Variants in WDPCP observed in about 807,000 individuals in gnomAD.
WDPCP encodes WD repeat-containing and planar cell polarity effector protein fritz homolog.
WDPCP carries 71 observed loss-of-function variants against 93.1 expected under a neutral mutation model. That is an observed-to-expected ratio of 0.76 (90% CI 0.63 to 0.93). WDPCP has a LOEUF of 0.93. Ranked by LOEUF, WDPCP falls within the 40% of genes least tolerant of loss-of-function variation. WDPCP has a pLI of 0.00. For synonymous variants in WDPCP, 315 were observed against 315.0 expected (o/e 1.00, Z 0.00); for missense variants, 844 against 887.4 (o/e 0.95, Z 0.62).
chr2:63,126,797 TC>T (rs1669940088), intron 17 of WDPCP, among the ~76,000 whole-genome samples: 1 of 149,320 alleles, frequency 6.7e-6, no homozygotes, highest in South Asian at 2.2e-4. Flanking sequence ...TGCCTCAGCC[TC>T]CCAAGTAGCT....
chr2:63,406,388 T>C (rs1315513754), intron 9 of WDPCP, among the ~76,000 whole-genome samples: 2 of 152,156 alleles, frequency 1.3e-5, no homozygotes, highest in Non-Finnish European at 2.9e-5. Context: ...CAATAAATAT[T>C]TGAATATGAG....
At chr2:63,604,029 A>T (rs887768020) in intron 3 of WDPCP, among the ~76,000 whole-genome samples, 2 of 152,210 alleles carry the variant, frequency 1.3e-5, no homozygotes, top group African/African-American at 4.8e-5. Flanking sequence ...AGGACCCTAA[A>T]GTGCTTTCTG....
chr2:63,551,243 C>A (rs937415316), intron 1 of WDPCP, among the ~76,000 whole-genome samples: 6 of 151,954 alleles, frequency 3.9e-5, no homozygotes, highest in South Asian at 2.1e-4. Context: ...AAAAAAAAAT[C>A]CACTAGTAAA....
chr2:63,294,036 CAAAT>C lies in WDPCP; in HGVS notation c.1812+19208_1812+19211del, dbSNP rs200802625. On this transcript the variant is annotated intron_variant, in intron 13 of 17. Transcript: ENST00000272321. ...CAATGAACTCCAAGTAAGATGAACTCAAATAAACCCACTGTGAGACACATTATAA... is the reference window on the plus strand; with the variant it reads ...CAATGAACTCCAAGTAAGATGAACTCAAACCCACTGTGAGACACATTATAA... Among the ~76,000 whole-genome samples, 305 of 152,238 alleles carry C rather than the reference CAAAT, an allele frequency of 2.0e-3. 11 individuals are homozygous for C. The East Asian group carries it at 0.053, about 27-fold the overall frequency.
upstream of WDPCP, among the ~76,000 whole-genome samples, chr2:63,829,394 T>C (rs903379415): frequency 6.6e-5 from 10 of 152,104 alleles, no homozygotes; most frequent in African/African-American, 2.4e-4. Flanking sequence ...CTCCATAATT[T>C]AAAATAATAC....
In WDPCP at chr2:63,120,387, G is replaced by T. The variant is rs1250951881; in HGVS notation, c.*1619C>A. On this transcript the variant is annotated 3_prime_UTR_variant, in exon 18 of 18. Coordinates refer to ENST00000272321, the MANE Select transcript of WDPCP (RefSeq NM_015910.7). ...TGTCATACCCTCTGGTAGAGGTACA[G>T]ATAAATGGGAAGTAGAAAGAAAAAT... 6.6e-6 allele frequency among the ~76,000 whole-genome samples: 1 copy of T among 151,976 alleles called. No individual in the cohort carries two copies. The highest frequency in any genetic ancestry group is 2.1e-4 in the South Asian group (1 of 4,824).
At chr2:63,296,887 A>G (rs1684907091) in intron 13 of WDPCP, among the ~76,000 whole-genome samples, 1 of 152,236 alleles carries the variant, frequency 6.6e-6, no homozygotes, top group Admixed American at 6.5e-5. Flanking sequence ...CTACAGATTC[A>G]ATGCAATTCC....
chr2:63,249,256 T>C (rs1465669509), intron 14 of WDPCP, among the ~76,000 whole-genome samples: 3 of 152,176 alleles, frequency 2.0e-5, no homozygotes, highest in Non-Finnish European at 4.4e-5. Context: ...AGGTCTTTTC[T>C]GAAATGTGTG....
intron 3 of WDPCP, chr2:63,594,285 CTT>C (rs766971420): frequency 1.5e-6 from 1 of 675,006 alleles, no homozygotes; most frequent in Middle Eastern, 2.5e-4. Context: ...CAGGATAACA[CTT>C]TTAGCTCCCT....
At chr2:63,391,225 G>A (rs1050403742) in intron 10 of WDPCP, among the ~76,000 whole-genome samples, 29 of 152,206 alleles carry the variant, frequency 1.9e-4, no homozygotes, top group African/African-American at 6.5e-4. Context: ...TGGGATGCAA[G>A]GCTGATTAAA....
chr2:63,717,324 G>A, intron 2 of WDPCP: 1 of 515,682 alleles, frequency 1.9e-6, no homozygotes, highest in South Asian at 1.5e-5. Context: ...CTGTGAACAT[G>A]AAAAATGATG....
At chr2:63,521,377 T>C (rs1189199055) in intron 1 of WDPCP, among the ~76,000 whole-genome samples, 2 of 151,918 alleles carry the variant, frequency 1.3e-5, no homozygotes, top group Non-Finnish European at 2.9e-5. Flanking sequence ...ACCAAACAAA[T>C]GGAAAACAGA....
At chr2:63,313,185 C>A in intron 13 of WDPCP, 63 bp downstream of exon 13, 5 of 1,490,788 alleles carry the variant, frequency 3.4e-6, no homozygotes, top group South Asian at 1.2e-5. Context: ...TTTTTATGGT[C>A]ACAAAAGCTG....
At chr2:63,419,746 T>C (rs1194264728) in intron 9 of WDPCP, among the ~76,000 whole-genome samples, 1 of 152,188 alleles carries the variant, frequency 6.6e-6, no homozygotes, top group Non-Finnish European at 1.5e-5. Context: ...AGGTATGGAA[T>C]ATATCTATTA....
At chr2:63,798,761 C>G (rs1286087057) in intron 2 of WDPCP, among the ~76,000 whole-genome samples, 2 of 152,020 alleles carry the variant, frequency 1.3e-5, no homozygotes. Context: ...ACTAAACTCT[C>G]CAATCAAAAG....
chr2:63,462,392 T>A (rs1699076462), intron 6 of WDPCP, among the ~76,000 whole-genome samples: 1 of 152,128 alleles, frequency 6.6e-6, no homozygotes, highest in Admixed American at 6.5e-5. Context: ...GAGATATACC[T>A]AATGTAAATG....
chr2:63,721,751 C>G (rs1457558904), intron 2 of WDPCP, among the ~76,000 whole-genome samples: 1 of 134,836 alleles, frequency 7.4e-6, no homozygotes, highest in East Asian at 2.5e-4. Flanking sequence ...CCCACGGTCT[C>G]CCTCTCCCTC....
chr2:63,479,094 C>T (rs114458661), intron 6 of WDPCP, among the ~76,000 whole-genome samples: 2,085 of 150,818 alleles, frequency 0.014, 18 homozygotes, highest in Middle Eastern at 0.021. Flanking sequence ...CTAGAAGAGA[C>T]GGATAAATTC....
chr2:63,768,148 A>G (rs1336529884), intron 2 of WDPCP, among the ~76,000 whole-genome samples: 2 of 152,026 alleles, frequency 1.3e-5, no homozygotes, highest in African/African-American at 4.8e-5. Context: ...TAAATGTCCC[A>G]TTGTTCTAGT....
Sources: gnomAD v4.1 joint callset for allele counts (sites outside exome capture counted in the v4.1 genomes callset) on GRCh38, gnomAD v4.1.1 for gene constraint, MANE v1.5 for transcripts, NCBI Gene and HGNC (gene_info 2026-07-23, HGNC 2026-07-21) for gene names.